FLNB: variants seen among roughly 807,000 people sequenced by gnomAD.
The protein encoded by FLNB is filamin-B.
FLNB carries 111 observed loss-of-function variants against 250.6 expected under a neutral mutation model. The observed-to-expected ratio is 0.44, with a 90% CI of 0.38 to 0.52. FLNB has a LOEUF of 0.52. Ranked by LOEUF, FLNB falls within the 20% of genes least tolerant of loss-of-function variation. FLNB has a pLI of 0.00. For missense variants in FLNB, 2,869 were observed against 3,447.8 expected (o/e 0.83, Z 4.20); for synonymous variants, 1,302 against 1,372.1 (o/e 0.95, Z 1.13).
Position 58,103,000 on chromosome 3 carries a change from G to A in FLNB, c.1483+660G>A, listed in dbSNP as rs141013683. 2.9e-3 allele frequency among the ~76,000 whole-genome samples: 436 copies of A among 152,234 alleles called. 4 individuals are homozygous for A. The highest frequency in any genetic ancestry group is 0.01 in the African/African-American group (416 of 41,544). On this transcript the variant is annotated intron_variant, in intron 9 of 45. Coordinates refer to ENST00000295956, the MANE Select transcript of FLNB (RefSeq NM_001457.4). ...GAAGCATTTCAGCACTTCTAGTCTC[G>A]GGTGTAGCAGCCTTTGGTGGTTTTA...
At chr3:58,137,222 C>T (rs2097317664) in intron 28 of FLNB, among the ~76,000 whole-genome samples, 1 of 152,188 alleles carries the variant, frequency 6.6e-6, no homozygotes, top group Non-Finnish European at 1.5e-5. Context: ...GCTTTCACGG[C>T]AAGGTTGTGA....
At chr3:58,103,262 G>GA (rs2097253932) in intron 9 of FLNB, among the ~76,000 whole-genome samples, 1 of 108,562 alleles carries the variant, frequency 9.2e-6, no homozygotes, top group Non-Finnish European at 1.8e-5. Flanking sequence ...AGGAGCCAAG[G>GA]AGGGTGTGTG....
intron 24 of FLNB, among the ~76,000 whole-genome samples, chr3:58,128,256 C>G (rs1238576097): frequency 6.6e-6 from 1 of 152,180 alleles, no homozygotes; most frequent in Non-Finnish European, 1.5e-5. Context: ...TGTGCACACA[C>G]ACTCACACTC....
rs201416783 is a variant in FLNB at position 58,025,247 on chromosome 3, A to C, written c.292+16391A>C. 2.0e-5 allele frequency among the ~76,000 whole-genome samples: 3 copies of C among 148,306 alleles called. No homozygotes were observed. The East Asian group carries it at 6.0e-4, about 30-fold the overall frequency. ...AGGACTCAGGTGATCCTCACATCTC[A>C]GCCTCCCGAGTAGCTGGGACCACAG... On this transcript the variant is annotated intron_variant, in intron 1 of 45. Transcript: ENST00000295956.
chr3:58,096,019 A>G, intron 5 of FLNB, 122 bp from the exon 6 acceptor site: 2 of 750,996 alleles, frequency 2.7e-6, no homozygotes, highest in Admixed American at 2.0e-5. Context: ...CAAGAGGGAC[A>G]GGAGCTCGCC....
At chr3:58,107,085 G>A (rs1476468404) in intron 12 of FLNB, among the ~76,000 whole-genome samples, 3 of 152,078 alleles carry the variant, frequency 2.0e-5, no homozygotes, top group Admixed American at 1.3e-4. Flanking sequence ...GCTGGGGTAC[G>A]GTGGCATGAT....
intron 4 of FLNB, 26 bp downstream of exon 4, chr3:58,081,802 A>AT: frequency 1.2e-6 from 2 of 1,613,364 alleles, no homozygotes; most frequent in Middle Eastern, 3.3e-4. Context: ...CTGGTGTTGT[A>AT]TTGGAGACAT....
intron 19 of FLNB, 85 bp from the exon 20 acceptor site, chr3:58,121,156 C>T: frequency 1.3e-6 from 2 of 1,580,172 alleles, no homozygotes; most frequent in Non-Finnish European, 1.7e-6. Flanking sequence ...TCCCCGTGTC[C>T]AAAGAACCAT....
chr3:58,008,643 A>C lies in FLNB; in HGVS notation c.79A>C (p.Asn27His). Residue 27 changes from asparagine to histidine, a missense_variant, in exon 1 of 46, where the codon AAC (asparagine) becomes CAC (histidine). Physicochemically the swap from Asn to His is moderately conservative, Grantham distance 68. Coordinates refer to ENST00000295956, the MANE Select transcript of FLNB (RefSeq NM_001457.4). ...IQQNTFTRWCNEHLKCVNKRI... is the reference protein window; with the variant it reads ...IQQNTFTRWCHEHLKCVNKRI... The stretch of plus-strand genomic sequence containing the variant: ...GCAGAACACGTTCACACGCTGGTGC[A>C]ACGAGCACCTCAAGTGCGTGAACAA... 6.2e-7 allele frequency: 1 copy of C among 1,614,084 alleles called. No homozygotes were observed.
rs1459222392 is a variant in FLNB at position 58,164,115 on chromosome 3, G to A, written c.7198+785G>A. ...CAAGCAGACACAGAGTTTTGCTTTT[G>A]TCTTACAGAAAGAATCTTACTGTAT... On this transcript the variant is annotated intron_variant, in intron 43 of 45. Transcript: ENST00000295956. This position sits in a 1 kb window ranked among gnomAD's most constrained non-coding sequence, Gnocchi z 4.0. 1 of 152,244 alleles carries A rather than the reference G, an allele frequency of 6.6e-6. No homozygotes were observed. Among genetic ancestry groups the A allele is most frequent in the Non-Finnish European group, 1.5e-5 (1 of 68,088 alleles). 9.4% of individuals were successfully genotyped at this position (152,244 alleles called of 1,614,324 possible).
At chr3:58,045,968 C>T (rs1042212790) in intron 1 of FLNB, among the ~76,000 whole-genome samples, 19 of 123,204 alleles carry the variant, frequency 1.5e-4, no homozygotes, top group South Asian at 5.4e-4. Flanking sequence ...CACTGCACTA[C>T]AGCCTGGGCT....
In FLNB at chr3:58,146,936, C is replaced by G; in HGVS notation, c.5671C>G (p.Leu1891Val). Residue 1891 changes from leucine (L) to valine (V), a missense_variant, in exon 34 of 46, where the codon CTG becomes GTG. By Grantham distance (32) the Leu-to-Val change is conservative (BLOSUM62 1). Transcript: ENST00000295956. Reference sequence around the variant, plus strand: ...GACTCTGCCAGGCGACTACAGCATTCTGGTCAAGTACAATGACAAGCACAT... The same window carrying G: ...GACTCTGCCAGGCGACTACAGCATTGTGGTCAAGTACAATGACAAGCACAT... Reference protein sequence around the residue: ...LPTLPGDYSILVKYNDKHIPG... With the variant: ...LPTLPGDYSIVVKYNDKHIPG... 1 of 1,614,198 alleles carries G rather than the reference C, an allele frequency of 6.2e-7. No homozygotes were observed. The highest frequency in any genetic ancestry group is 1.1e-5 in the South Asian group (1 of 91,080).
chr3:58,155,312 G>A (rs2097351633), intron 40 of FLNB, among the ~76,000 whole-genome samples: 1 of 152,250 alleles, frequency 6.6e-6, no homozygotes, highest in Non-Finnish European at 1.5e-5. Flanking sequence ...CTTGCCATCT[G>A]GCGAAGCCTA....
Position 58,109,564 on chromosome 3 carries a change from T to C in FLNB, c.2200-12T>C, listed in dbSNP as rs1205120401. 1.2e-6 allele frequency: 2 copies of C among 1,614,214 alleles called. No individual in the cohort carries two copies. The highest frequency in any genetic ancestry group is 3.3e-5 in the Admixed American group (2 of 60,022). On this transcript the variant is annotated splice_polypyrimidine_tract_variant and intron_variant, in intron 14 of 45. Coordinates refer to ENST00000295956, the MANE Select transcript of FLNB (RefSeq NM_001457.4). ...GAGGAGAACTTGATGACCTTCTCCA[T>C]GTCTTCTCTAGGTCAACATCGGGCA...
chr3:58,039,226 G>A (rs1295375704), intron 1 of FLNB, among the ~76,000 whole-genome samples: 1 of 148,116 alleles, frequency 6.8e-6, no homozygotes, highest in Non-Finnish European at 1.5e-5. Context: ...AATTGCATAA[G>A]TATCATCAGA....
intron 1 of FLNB, among the ~76,000 whole-genome samples, chr3:58,045,999 CAAAAAAAAAA>C (rs34327981): frequency 1.4e-5 from 1 of 68,972 alleles, no homozygotes; most frequent in African/African-American, 5.4e-5. Context: ...ACTCCGTCTC[CAAAAAAAAAA>C]AAAAAAAAAA....
chr3:58,159,642 C>A lies in FLNB; in HGVS notation c.6977C>A (p.Pro2326His), dbSNP rs1401303028. The A allele has an allele frequency of 1.2e-6, 2 of 1,613,924 alleles. No homozygotes were observed. Among genetic ancestry groups the A allele is most frequent in the African/African-American group, 1.3e-5 (1 of 74,922 alleles). Residue 2326 changes from proline to histidine, a missense_variant, in exon 42 of 46, where the codon CCC becomes CAC. Physicochemically the swap from Pro to His is moderately conservative, Grantham distance 77 (BLOSUM62 -2). Coordinates refer to ENST00000295956, the MANE Select transcript of FLNB (RefSeq NM_001457.4). ...KGKIDAKVHS[P>H]SGAVEECHVS... ...AAGATTGATGCAAAGGTGCACAGCC[C>A]CTCTGGAGCCGTGGAGGAGTGCCAC... is the stretch of plus-strand genomic sequence containing the variant.
At chr3:58,011,771 G>A (rs2097099290) in intron 1 of FLNB, among the ~76,000 whole-genome samples, 1 of 152,216 alleles carries the variant, frequency 6.6e-6, no homozygotes, top group Non-Finnish European at 1.5e-5. Flanking sequence ...GCTAATCATT[G>A]ATTGACAGCA....
chr3:58,069,592 A>G (rs1363712126), intron 1 of FLNB, among the ~76,000 whole-genome samples: 4 of 151,928 alleles, frequency 2.6e-5, no homozygotes, highest in Admixed American at 2.6e-4. Flanking sequence ...GATCTCTGCA[A>G]GAAGGACACG....
Sources: gnomAD v4.1 joint callset for allele counts (sites outside exome capture counted in the v4.1 genomes callset) on GRCh38, gnomAD v4.1.1 for gene constraint, Gnocchi (gnomAD v3.1) non-coding constraint, MANE v1.5 for transcripts, NCBI Gene and HGNC (gene_info 2026-07-23, HGNC 2026-07-21) for gene names.